AGAP1: variants seen among roughly 807,000 people sequenced by gnomAD.
The protein encoded by AGAP1 is ArfGAP with GTPase domain, ankyrin repeat and PH domain 1, also known as arf-GAP with GTPase, ANK repeat and PH domain-containing protein 1.
Under a neutral mutation model 105.3 loss-of-function variants are expected in AGAP1, and 29 were observed. The observed-to-expected ratio is 0.28, with a 90% CI of 0.21 to 0.38. AGAP1 has a LOEUF of 0.38. AGAP1 is among the 10% of genes least tolerant of loss of function. The pLI, the probability that AGAP1 is intolerant of heterozygous loss-of-function variation, is 1.00. For synonymous variants in AGAP1, 509 were observed against 485.9 expected, an observed-to-expected ratio of 1.05 and a Z score of -0.63; for missense variants, 998 against 1,165.1, an observed-to-expected ratio of 0.86 and a Z score of 2.09.
rs1054271213 is a variant in AGAP1, at chr2:235,577,272, T to C, written c.163+82423T>C. Among the ~76,000 whole-genome samples the C allele has an allele frequency of 6.6e-6, 1 of 152,348 alleles. No individual in the cohort carries two copies. Among genetic ancestry groups the C allele is most frequent in the Non-Finnish European group, 1.5e-5 (1 of 68,032 alleles). ...TGGAATTTGTGGACGAGGTTTGCTA[T>C]AATCCTGTTTGGTACTGATGCTTTG... On this transcript the variant is annotated intron_variant, in intron 1 of 17. Transcript: ENST00000304032. The surrounding 1 kb of genome is among the most constrained non-coding windows in gnomAD (Gnocchi z 4.5).
Position 236,062,274 on chromosome 2 carries a change from G to A in AGAP1, c.2114+12993G>A, listed in dbSNP as rs114613387. ...CAATGCCATTCTTTCCTTTTCCTGGGCTAGGAAACTCAGGCCTGTGTCTCC... is the reference window on the plus strand; with the variant it reads ...CAATGCCATTCTTTCCTTTTCCTGGACTAGGAAACTCAGGCCTGTGTCTCC... On this transcript the variant is annotated intron_variant, in intron 16 of 17. Coordinates refer to ENST00000304032, the MANE Select transcript of AGAP1 (RefSeq NM_001037131.3). The surrounding 1 kb of genome is among the most constrained non-coding windows in gnomAD (Gnocchi z 4.2). 3.0e-3 allele frequency among the ~76,000 whole-genome samples: 450 copies of A among 152,152 alleles called. 4 individuals are homozygous for A. Among genetic ancestry groups the A allele is most frequent in the African/African-American group, 0.011 (441 of 41,502 alleles).
chr2:236,008,037 G>A (rs1199474917), intron 13 of AGAP1, among the ~76,000 whole-genome samples: 1 of 152,340 alleles, frequency 6.6e-6, no homozygotes, highest in East Asian at 1.9e-4. Flanking sequence ...TTCTAAGTGA[G>A]AATTTGGTTT....
chr2:235,693,694 A>T (rs982195505), intron 1 of AGAP1, among the ~76,000 whole-genome samples: 2 of 152,072 alleles, frequency 1.3e-5, no homozygotes, highest in Non-Finnish European at 2.9e-5. Context: ...TCTCCAAAAA[A>T]CCCCACAAAA....
rs2054102203 is a variant in AGAP1, at chr2:235,959,721, T to C, written c.1484-8741T>C. On this transcript the variant is annotated intron_variant, in intron 12 of 17. Transcript: ENST00000304032. This position sits in a 1 kb window ranked among gnomAD's most constrained non-coding sequence, Gnocchi z 7.3. ...GATGGCCACTCCCTCGTGTAGCCGG[T>C]TCCCCTGCTGCTGCAGCCGGGCCCT... Among the ~76,000 whole-genome samples the C allele has an allele frequency of 6.6e-6, 1 of 152,282 alleles. No homozygotes were observed. Among genetic ancestry groups the C allele is most frequent in the East Asian group, 1.9e-4 (1 of 5,166 alleles).
intron 6 of AGAP1, among the ~76,000 whole-genome samples, chr2:235,764,352 G>T (rs1468915582): frequency 6.6e-6 from 1 of 152,122 alleles, no homozygotes; most frequent in African/African-American, 2.4e-5. Flanking sequence ...CACCACGGTC[G>T]CTTCAGCCCC....
At position 235,906,803 on chromosome 2, in the gene AGAP1, T is replaced by A. The variant is rs1230943421; in HGVS notation, c.1156-1935T>A. 6.6e-6 allele frequency among the ~76,000 whole-genome samples: 1 copy of A among 152,204 alleles called. No homozygotes were observed. The highest frequency in any genetic ancestry group is 1.5e-5 in the Non-Finnish European group (1 of 68,048). On this transcript the variant is annotated intron_variant, in intron 10 of 17. Coordinates refer to ENST00000304032, the MANE Select transcript of AGAP1 (RefSeq NM_001037131.3). This position sits in a 1 kb window ranked among gnomAD's most constrained non-coding sequence, Gnocchi z 5.3. ...TTGTGGCTTTTGTTGTGCCTTTTCTTCTATCAGCAAACATCTACTTGTTGA... is the reference window on the plus strand; with the variant it reads ...TTGTGGCTTTTGTTGTGCCTTTTCTACTATCAGCAAACATCTACTTGTTGA...
At position 235,820,998 on chromosome 2, in the gene AGAP1, A is replaced by G. The variant is rs1018475907; in HGVS notation, c.1050+13667A>G. On this transcript the variant is annotated intron_variant, in intron 9 of 17. Transcript: ENST00000304032. ...AAGGGCAATCTAACAGTCATACATGATGGACATAAGAAATTTGATTCACTT... is the reference window on the plus strand; with the variant it reads ...AAGGGCAATCTAACAGTCATACATGGTGGACATAAGAAATTTGATTCACTT... 1.3e-5 allele frequency among the ~76,000 whole-genome samples: 2 copies of G among 152,252 alleles called. 1 individual carries two copies. Among genetic ancestry groups the G allele is most frequent in the South Asian group, 4.1e-4 (2 of 4,828 alleles).
intron 9 of AGAP1, among the ~76,000 whole-genome samples, chr2:235,851,406 G>A (rs1291522185): frequency 1.3e-5 from 2 of 152,208 alleles, no homozygotes; most frequent in African/African-American, 2.4e-5. Flanking sequence ...CCAGGTGTCC[G>A]CATGTCACCC....
intron 6 of AGAP1, among the ~76,000 whole-genome samples, chr2:235,771,658 C>T (rs1955459413): frequency 1.3e-5 from 2 of 152,134 alleles, no homozygotes; most frequent in South Asian, 4.1e-4. Context: ...CTGTGTGACT[C>T]CGGCCGTTGT....
intron 13 of AGAP1, among the ~76,000 whole-genome samples, chr2:236,026,760 A>C (rs964503033): frequency 6.6e-6 from 1 of 152,168 alleles, no homozygotes; most frequent in African/African-American, 2.4e-5. Flanking sequence ...GAAGGACAGT[A>C]AGACAAACTG....
At chr2:235,850,564 G>A (rs1374111441) in intron 9 of AGAP1, among the ~76,000 whole-genome samples, 2 of 152,256 alleles carry the variant, frequency 1.3e-5, no homozygotes, top group African/African-American at 4.8e-5. Flanking sequence ...CCTCACTTGG[G>A]AAATGAGGGT....
rs1226217239 is a variant in AGAP1, at chr2:235,728,055, G to A, written c.310+10411G>A. On this transcript the variant is annotated intron_variant, in intron 3 of 17. Coordinates refer to ENST00000304032, the MANE Select transcript of AGAP1 (RefSeq NM_001037131.3). The surrounding 1 kb of genome is among the most constrained non-coding windows in gnomAD (Gnocchi z 4.3). ...GAAAATGCTGCGTCCTTGTAAGACC[G>A]TGTCTGCCCAGTGGGGGCCTGGACA... Among the ~76,000 whole-genome samples the A allele has an allele frequency of 6.6e-6, 1 of 152,218 alleles. No individual in the cohort carries two copies. Among genetic ancestry groups the A allele is most frequent in the Non-Finnish European group, 1.5e-5 (1 of 68,048 alleles).
intron 1 of AGAP1, chr2:235,671,040 A>G: frequency 7.8e-7 from 1 of 1,288,216 alleles, no homozygotes; most frequent in Non-Finnish European, 9.8e-7. Context: ...GAGAGCATCG[A>G]CGGCTCCCCG....
At chr2:235,757,390 T>C (rs80192376) in intron 6 of AGAP1, among the ~76,000 whole-genome samples, 2 of 138,044 alleles carry the variant, frequency 1.4e-5, no homozygotes, top group African/African-American at 7.0e-5. Flanking sequence ...GCTCCCGGGC[T>C]CTGTGTGCCA....
chr2:236,057,886 C>A (rs2058091961), intron 16 of AGAP1, among the ~76,000 whole-genome samples: 1 of 152,132 alleles, frequency 6.6e-6, no homozygotes, highest in South Asian at 2.1e-4. Flanking sequence ...CCAGAAGATA[C>A]AATCAGCTTT....
At chr2:235,670,271 C>T (rs1012920872) in intron 1 of AGAP1, 31 of 448,486 alleles carry the variant, frequency 6.9e-5, no homozygotes, top group African/African-American at 5.0e-4. Flanking sequence ...TCGGCGGCCC[C>T]GGCCCGCGCG....
At chr2:236,118,719 A>G (rs2059831145) in intron 16 of AGAP1, among the ~76,000 whole-genome samples, 1 of 152,092 alleles carries the variant, frequency 6.6e-6, no homozygotes, top group Non-Finnish European at 1.5e-5. Context: ...TCAAAAAGGC[A>G]GGCAGGGAGC....
intron 1 of AGAP1, among the ~76,000 whole-genome samples, chr2:235,708,269 C>A (rs977943531): frequency 6.6e-6 from 1 of 152,194 alleles, no homozygotes; most frequent in Non-Finnish European, 1.5e-5. Flanking sequence ...TGCACCTCCT[C>A]CCTCTGGTCC....
rs3768923 is a variant in AGAP1, at chr2:236,114,488, T to G, written c.2115-5704T>G. Among the ~76,000 whole-genome samples the G allele has an allele frequency of 0.58, 88,077 of 152,102 alleles. 28,547 individuals are homozygous for G. Among genetic ancestry groups the G allele is most frequent in the African/African-American group, 0.89 (37,127 of 41,556 alleles). ...AGGCTGCCAAAATAAAGTATTACAC[T>G]TGGGTGGCTTAAGTGCGGGACATTC... On this transcript the variant is annotated intron_variant, in intron 16 of 17. Transcript: ENST00000304032. This position sits in a 1 kb window ranked among gnomAD's most constrained non-coding sequence, Gnocchi z 5.0.
Sources: gnomAD v4.1 joint callset for allele counts (sites outside exome capture counted in the v4.1 genomes callset) on GRCh38, gnomAD v4.1.1 for gene constraint, Gnocchi (gnomAD v3.1) non-coding constraint, MANE v1.5 for transcripts, NCBI Gene and HGNC (gene_info 2026-07-23, HGNC 2026-07-21) for gene names.